The following DCN variants were observed in gnomAD, a reference collection of about 807,000 sequenced individuals.
The protein encoded by DCN is bone proteoglycan II.
A neutral mutation model predicts 36.5 loss-of-function variants in DCN; 17 were observed. The observed-to-expected ratio is 0.47, with a 90% CI of 0.32 to 0.70. The LOEUF (loss-of-function observed/expected upper bound fraction) is 0.70, where lower values mean the gene tolerates loss of function less well. Ranked by LOEUF, DCN falls within the 30% of genes least tolerant of loss-of-function variation. The probability of loss-of-function intolerance (pLI) is 0.04; values close to 1 mark genes in which losing one functional copy is unlikely to be tolerated. For missense variants in DCN, 389 were observed against 430.1 expected, an observed-to-expected ratio of 0.90 and a Z score of 0.84; for synonymous variants, 163 against 161.4, an observed-to-expected ratio of 1.01 and a Z score of -0.07.
chr12:91,177,599 C>T (rs1041654454), intron 2 of DCN: 10 of 702,250 alleles, frequency 1.4e-5, no homozygotes, highest in Middle Eastern at 2.3e-4. Context: ...AAGTGTAATG[C>T]TCTTGGAATT....
rs1043714633 is a variant in DCN at position 91,145,797 on chromosome 12, A to C, written c.*261T>G. The C allele has an allele frequency of 2.1e-6, 1 of 477,080 alleles. No homozygotes were observed. The highest frequency in any genetic ancestry group is 2.0e-5 in the African/African-American group (1 of 51,012). The allele number at this position is 477,080 out of a possible 1,614,324, so 29.6% of individuals were successfully genotyped here. On this transcript the variant is annotated 3_prime_UTR_variant, in exon 8 of 8. Transcript: ENST00000052754. Reference sequence around the variant, plus strand: ...CATATATATTTACTCCAAATTTTACATTTAGTGAAATAAGAATATCTCTAG... The same window carrying C: ...CATATATATTTACTCCAAATTTTACCTTTAGTGAAATAAGAATATCTCTAG...
chr12:91,175,054 G>C (rs1883207594), intron 2 of DCN: 1 of 151,960 alleles, frequency 6.6e-6, no homozygotes, highest in South Asian at 2.1e-4. Flanking sequence ...AAATTTTTTT[G>C]ATTTTTAGAA....
At chr12:91,170,454 A>T (rs976030446) in intron 2 of DCN, among the ~76,000 whole-genome samples, 1 of 152,274 alleles carries the variant, frequency 6.6e-6, no homozygotes, top group Middle Eastern at 3.4e-3. Flanking sequence ...TTCTGCATTC[A>T]TCATTGTTCC....
chr12:91,164,609 A>C lies in DCN; in HGVS notation c.320T>G (p.Leu107Arg). ...TTAAAAAAAAATAGTTCTTACGTGA[A>C]GGTTCTTCAGGTTCTTAAAGTCTCC... ...KDGDFKNLKN[L>R]HALILVNNKI... Residue 107 changes from leucine (L) to arginine (R), a missense_variant, in exon 3 of 8, where the codon CTT (leucine) becomes CGT (arginine). Coordinates refer to ENST00000052754, the MANE Select transcript of DCN (RefSeq NM_001920.5). 6.4e-7 allele frequency: 1 copy of C among 1,565,664 alleles called. No homozygotes were observed. The highest frequency in any genetic ancestry group is 8.8e-7 in the Non-Finnish European group (1 of 1,136,076).
At chr12:91,171,512 C>T (rs1226247551) in intron 2 of DCN, among the ~76,000 whole-genome samples, 4 of 152,106 alleles carry the variant, frequency 2.6e-5, no homozygotes, top group African/African-American at 7.2e-5. Context: ...CTTGTGATGC[C>T]TCTAGGAATC....
intron 2 of DCN, among the ~76,000 whole-genome samples, chr12:91,165,435 G>T (rs1405580820): frequency 6.6e-6 from 1 of 152,012 alleles, no homozygotes; most frequent in Non-Finnish European, 1.5e-5. Flanking sequence ...GTGTATTATT[G>T]TTTTTAGTTT....
In DCN at chr12:91,143,688, A is replaced by T. The variant is rs190222221; in HGVS notation, c.*2370T>A. ...TTCCCATTTTATGGACAAGGAAATGAGTCACAGAAAGGTTAACTAGCTTCC... is the reference window on the plus strand; with the variant it reads ...TTCCCATTTTATGGACAAGGAAATGTGTCACAGAAAGGTTAACTAGCTTCC... On this transcript the variant is annotated 3_prime_UTR_variant, in exon 8 of 8. Coordinates refer to ENST00000052754, the MANE Select transcript of DCN (RefSeq NM_001920.5). The T allele has an allele frequency of 1.5e-4, 23 of 152,070 alleles. No homozygotes were observed. Among genetic ancestry groups the T allele is most frequent in the African/African-American group, 5.3e-4 (22 of 41,474 alleles). The allele number at this position is 152,070 out of a possible 1,614,324, so 9.4% of individuals were successfully genotyped here. A position where few individuals can be genotyped will look rare whatever the true frequency, so the allele number is the denominator to read the frequency against.
chr12:91,157,250 G>T (rs1881847046), intron 4 of DCN, 62 bp from the exon 5 acceptor site: 3 of 1,160,126 alleles, frequency 2.6e-6, no homozygotes, highest in African/African-American at 1.5e-5. Flanking sequence ...AGTCACTGTA[G>T]TATCTGTTTC....
At chr12:91,178,859 T>G (rs916702135) in intron 1 of DCN, among the ~76,000 whole-genome samples, 2 of 152,164 alleles carry the variant, frequency 1.3e-5, no homozygotes, top group Non-Finnish European at 2.9e-5. Context: ...ATACTATATA[T>G]CCAAATCATT....
intron 2 of DCN, chr12:91,177,918 G>T (rs1170914925): frequency 9.0e-6 from 4 of 445,954 alleles, no homozygotes; most frequent in Non-Finnish European, 1.2e-5. Flanking sequence ...CTGTTGTCTG[G>T]GCTAAGTGAA....
chr12:91,172,880 A>T (rs1368326702), intron 2 of DCN: 2 of 621,372 alleles, frequency 3.2e-6, no homozygotes, highest in Non-Finnish European at 5.7e-6. Flanking sequence ...TAGTGAAAAA[A>T]AATAAAATAG....
chr12:91,180,301 AGAAG>A (rs1883514915), intron 1 of DCN: 4 of 150,948 alleles, frequency 2.6e-5, no homozygotes, highest in Non-Finnish European at 3.0e-5. Flanking sequence ...GAAGAAAGAA[AGAAG>A]GAAGGAAGAA....
chr12:91,171,323 C>G (rs1399525117), intron 2 of DCN, among the ~76,000 whole-genome samples: 2 of 152,124 alleles, frequency 1.3e-5, no homozygotes, highest in Non-Finnish European at 2.9e-5. Context: ...CATAATTATG[C>G]TCAAACTTCT....
intron 2 of DCN, chr12:91,177,776 A>C (rs748144535): frequency 1.2e-5 from 8 of 686,154 alleles, no homozygotes; most frequent in Non-Finnish European, 2.1e-5. Context: ...CAAAATGTCA[A>C]AAGTAAAGAC....
chr12:91,178,588 A>G lies in DCN; in HGVS notation c.-33-3T>C, dbSNP rs748801281. On this transcript the variant is annotated splice_region_variant and splice_polypyrimidine_tract_variant and intron_variant, in intron 1 of 7. Transcript: ENST00000052754. ...ATGTATTTTCACAACCAGGGAACCT[A>G]GGAAACAAATGAGAGATTTAAGAAG... 3 of 1,578,754 alleles carry G rather than the reference A, an allele frequency of 1.9e-6. No homozygotes were observed. Among genetic ancestry groups the G allele is most frequent in the Non-Finnish European group, 1.7e-6 (2 of 1,148,120 alleles).
At chr12:91,152,189 A>G (rs945303490) in intron 6 of DCN, among the ~76,000 whole-genome samples, 1 of 152,152 alleles carries the variant, frequency 6.6e-6, no homozygotes, top group Non-Finnish European at 1.5e-5. Flanking sequence ...ACTTATGTGC[A>G]TGATATTATG....
At chr12:91,177,195 G>A (rs1328626739) in intron 2 of DCN, 1 of 182,164 alleles carries the variant, frequency 5.5e-6, no homozygotes, top group Non-Finnish European at 1.1e-5. Flanking sequence ...TTGTATTTGG[G>A]TTTTAAATAG....
chr12:91,153,145 T>C lies in DCN; in HGVS notation c.697A>G (p.Ile233Val), dbSNP rs1428634914. 6 of 1,610,986 alleles carry C rather than the reference T, an allele frequency of 3.7e-6. No individual in the cohort carries two copies. In the African/African-American group the frequency reaches 5.3e-5, roughly 14 times the overall value. Residue 233 changes from isoleucine (I) to valine (V), a missense_variant, in exon 6 of 8, where the codon ATC becomes GTC. By Grantham distance (29) the Ile-to-Val change is conservative. Transcript: ENST00000052754. ...AGGCTAGCTGCATCAACTCTGCTGATTTTGTTGCCATCAAGATGTAATTCC... is the reference window on the plus strand; with the variant it reads ...AGGCTAGCTGCATCAACTCTGCTGACTTTGTTGCCATCAAGATGTAATTCC... ...LTELHLDGNK[I>V]SRVDAASLKG... is the part of the protein sequence containing the mutation.
At chr12:91,178,252 G>C in intron 2 of DCN, 90 bp downstream of exon 2, 1 of 1,171,214 alleles carries the variant, frequency 8.5e-7, no homozygotes, top group Non-Finnish European at 1.3e-6. Flanking sequence ...AATTTAGAGA[G>C]ATTAAAACTG....
Sources: gnomAD v4.1 joint callset for allele counts (sites outside exome capture counted in the v4.1 genomes callset) on GRCh38, gnomAD v4.1.1 for gene constraint, MANE v1.5 for transcripts, NCBI Gene and HGNC (gene_info 2026-07-23, HGNC 2026-07-21) for gene names.